Variants in ATF6 observed in about 807,000 individuals in gnomAD.
The protein encoded by ATF6 is activating transcription factor 6.
In ATF6, 53 loss-of-function variants were observed where a neutral mutation model predicts 83.6. The ratio of observed to expected loss-of-function variants is 0.63; its 90% CI spans 0.51 to 0.80. ATF6 has a LOEUF of 0.80. ATF6 is among the 30% of genes least tolerant of loss of function. The pLI is 0.00. For missense variants in ATF6, 744 were observed against 797.9 expected, an observed-to-expected ratio of 0.93 and a Z score of 0.81; for synonymous variants, 288 against 285.8, an observed-to-expected ratio of 1.01 and a Z score of -0.08.
chr1:161,842,291 G>A (rs531508143), intron 9 of ATF6, among the ~76,000 whole-genome samples: 18 of 152,032 alleles, frequency 1.2e-4, no homozygotes, highest in Admixed American at 2.0e-4. Flanking sequence ...CAACCACTGC[G>A]GAAAACAGTG....
At chr1:161,849,243 G>A (rs1241125701) in intron 10 of ATF6, among the ~76,000 whole-genome samples, 2 of 152,010 alleles carry the variant, frequency 1.3e-5, no homozygotes, top group Non-Finnish European at 2.9e-5. Context: ...TGATCCTTTT[G>A]TGTTTGCATT....
At chr1:161,916,156 A>G (rs932030500) in intron 15 of ATF6, among the ~76,000 whole-genome samples, 2 of 152,234 alleles carry the variant, frequency 1.3e-5, no homozygotes, top group African/African-American at 4.8e-5. Context: ...ACGGAAGTCA[A>G]TGACAAATAT....
At chr1:161,838,888 T>C (rs1028858830) in intron 9 of ATF6, among the ~76,000 whole-genome samples, 1 of 152,136 alleles carries the variant, frequency 6.6e-6, no homozygotes, top group Non-Finnish European at 1.5e-5. Flanking sequence ...TTCTAATAAA[T>C]TACCCCCAGT....
intron 15 of ATF6, among the ~76,000 whole-genome samples, chr1:161,914,266 T>G (rs1688047032): frequency 6.6e-6 from 1 of 152,178 alleles, no homozygotes; most frequent in Non-Finnish European, 1.5e-5. Context: ...TTCCCCTTCC[T>G]CATGTACCTC....
At chr1:161,843,922 T>TA (rs1378087513) in intron 9 of ATF6, among the ~76,000 whole-genome samples, 22 of 152,318 alleles carry the variant, frequency 1.4e-4, no homozygotes, top group Non-Finnish European at 2.8e-4. Context: ...AAGGAATTGA[T>TA]ATAAATTATT....
chr1:161,902,430 A>T (rs1456931973), intron 14 of ATF6, among the ~76,000 whole-genome samples: 1 of 152,214 alleles, frequency 6.6e-6, no homozygotes, highest in East Asian at 1.9e-4. Flanking sequence ...ATTCATTGTT[A>T]CTGTATGTGG....
At chr1:161,927,182 GAA>G (rs1178319606) in intron 15 of ATF6, among the ~76,000 whole-genome samples, 1 of 152,028 alleles carries the variant, frequency 6.6e-6, no homozygotes, top group Non-Finnish European at 1.5e-5. Context: ...AAACAGCTAA[GAA>G]AACGGGTTGA....
intron 15 of ATF6, among the ~76,000 whole-genome samples, chr1:161,957,980 C>T (rs905371740): frequency 6.6e-6 from 1 of 152,138 alleles, no homozygotes; most frequent in African/African-American, 2.4e-5. Context: ...GCGTACTTGG[C>T]CAGGGTCTCC....
intron 15 of ATF6, among the ~76,000 whole-genome samples, chr1:161,952,066 A>G (rs1185731622): frequency 6.6e-6 from 1 of 152,126 alleles, no homozygotes; most frequent in African/African-American, 2.4e-5. Context: ...CAATTATCTG[A>G]TGGAACCACA....
chr1:161,887,268 C>T (rs1263922904), intron 14 of ATF6, among the ~76,000 whole-genome samples: 5 of 151,178 alleles, frequency 3.3e-5, no homozygotes, highest in South Asian at 2.1e-4. Flanking sequence ...TTAGTAGAGA[C>T]GGGGTTTCAC....
At chr1:161,778,219 T>G in intron 1 of ATF6, 25 bp from the exon 2 acceptor site, 1 of 1,596,838 alleles carries the variant, frequency 6.3e-7, no homozygotes, top group Non-Finnish European at 8.6e-7. Flanking sequence ...GACAGTTCAT[T>G]TCTATTCTTT....
Position 161,784,004 on chromosome 1 carries a change from G to A in ATF6, c.262G>A (p.Ala88Thr). The A allele has an allele frequency of 6.2e-7, 1 of 1,612,232 alleles. No individual in the cohort carries two copies. The highest frequency in any genetic ancestry group is 8.5e-7 in the Non-Finnish European group (1 of 1,178,530). ...NQICTVKDIKAEPQPLSPASS... is the reference protein window; with the variant it reads ...NQICTVKDIKTEPQPLSPASS... ...ATGTTTTCCAGTTAAAGATATTAAG[G>A]CAGAACCTCAGCCACTTTCTCCAGC... The change falls in exon 4 of 16, where the codon GCA becomes ACA. Residue 88 changes from alanine to threonine, a missense_variant. Coordinates refer to ENST00000367942, the MANE Select transcript of ATF6 (RefSeq NM_007348.4).
Position 161,853,270 on chromosome 1 carries a change from AG to A in ATF6, c.1482del (p.Thr495ProfsTer6). 6.2e-7 allele frequency: 1 copy of A among 1,613,942 alleles called. No individual in the cohort carries two copies. The highest frequency in any genetic ancestry group is 8.5e-7 in the Non-Finnish European group (1 of 1,179,804). On this transcript the variant is annotated frameshift_variant, in exon 12 of 16. Transcript: ENST00000367942. LOFTEE classifies it high-confidence loss of function. ...ATGGGTTCATAGACATGAAGTAGAA[AG>A]GACCAAGTCAAGAAGAATGACAAAT... ...RGWVHRHEVE[R>X]TKSRRMTNNQ...
At chr1:161,897,258 A>G (rs1174545928) in intron 14 of ATF6, among the ~76,000 whole-genome samples, 3 of 150,584 alleles carry the variant, frequency 2.0e-5, no homozygotes, top group Non-Finnish European at 4.4e-5. Context: ...ACACGATGAA[A>G]CTCCATCTCT....
intron 15 of ATF6, among the ~76,000 whole-genome samples, chr1:161,924,659 TGCTAGGAA>T (rs1688275681): frequency 6.6e-6 from 1 of 152,182 alleles, no homozygotes; most frequent in Non-Finnish European, 1.5e-5. Context: ...AATAGTTTGC[TGCTAGGAA>T]AGGAATTGTT....
chr1:161,902,703 G>T (rs1419165962), intron 14 of ATF6, among the ~76,000 whole-genome samples: 1 of 152,212 alleles, frequency 6.6e-6, no homozygotes, highest in African/African-American at 2.4e-5. Context: ...ATGAAAGGTT[G>T]TAGTAGATCC....
intron 12 of ATF6, among the ~76,000 whole-genome samples, chr1:161,859,203 G>A (rs1686827270): frequency 6.6e-6 from 1 of 152,038 alleles, no homozygotes; most frequent in Admixed American, 6.6e-5. Flanking sequence ...TTTATAAAAT[G>A]AGATCCTTGA....
At chr1:161,912,261 G>A (rs1688005516) in intron 14 of ATF6, 35 bp from the exon 15 acceptor site, 3 of 1,517,558 alleles carry the variant, frequency 2.0e-6, no homozygotes, top group Non-Finnish European at 2.7e-6. Flanking sequence ...TAAGCCAATT[G>A]TTATATATAA....
chr1:161,921,869 C>T (rs1484048609), intron 15 of ATF6, among the ~76,000 whole-genome samples: 1 of 152,186 alleles, frequency 6.6e-6, no homozygotes, highest in Admixed American at 6.5e-5. Context: ...GACTTCTCCT[C>T]ATTCACCACC....
Sources: allele counts gnomAD v4.1 joint callset (sites outside exome capture counted in the v4.1 genomes callset), GRCh38; gene constraint gnomAD v4.1.1; transcripts MANE v1.5; gene names NCBI Gene and HGNC (gene_info 2026-07-23, HGNC 2026-07-21).